The following PTPRJ variants were observed in gnomAD, a reference collection of about 807,000 sequenced individuals.
PTPRJ encodes the protein protein tyrosine phosphatase receptor type J, also known as receptor-type tyrosine-protein phosphatase eta.
Under a neutral mutation model 141.3 loss-of-function variants are expected in PTPRJ, and 129 were observed. The observed-to-expected ratio is 0.91, with a 90% CI of 0.79 to 1.06. The LOEUF (loss-of-function observed/expected upper bound fraction) is 1.06, where lower values mean the gene tolerates loss of function less well. Among genes scored for constraint, PTPRJ ranks in the 50% least tolerant of loss-of-function variants. The pLI, the probability that PTPRJ is intolerant of heterozygous loss-of-function variation, is 0.00. For synonymous variants in PTPRJ, 610 were observed against 640.5 expected (o/e 0.95, Z 0.72); for missense variants, 1,601 against 1,679.7 (o/e 0.95, Z 0.82).
rs143097750 is a variant in PTPRJ at position 48,032,286 on chromosome 11, A to G, written c.96+51278A>G. Among the ~76,000 whole-genome samples the G allele has an allele frequency of 1.8e-4, 27 of 152,338 alleles. No individual in the cohort carries two copies. The East Asian group carries it at 5.0e-3, about 28-fold the overall frequency. ...GTTTCAAAACCTTATGAAACACAAC[A>G]TCAATGGGGGAAGGGAGAAGAGAGA... On this transcript the variant is annotated intron_variant, in intron 1 of 24. Transcript: ENST00000418331.
intron 1 of PTPRJ, among the ~76,000 whole-genome samples, chr11:48,031,462 G>A (rs1329143245): frequency 2.6e-5 from 4 of 152,216 alleles, no homozygotes; most frequent in Admixed American, 6.5e-5. Flanking sequence ...GGATTCCAAA[G>A]CATGATACAG....
At chr11:48,154,365 C>T (rs1419876563) in intron 19 of PTPRJ, among the ~76,000 whole-genome samples, 1 of 152,244 alleles carries the variant, frequency 6.6e-6, no homozygotes, top group Non-Finnish European at 1.5e-5. Context: ...GTGAATTCCA[C>T]AGCTAAGTAT....
chr11:48,005,256 A>G (rs1854593294), intron 1 of PTPRJ, among the ~76,000 whole-genome samples: 2 of 151,426 alleles, frequency 1.3e-5, no homozygotes, highest in Non-Finnish European at 2.9e-5. Flanking sequence ...AGTTGTTTTT[A>G]GTATATTCAG....
At chr11:48,006,628 G>A (rs914796058) in intron 1 of PTPRJ, among the ~76,000 whole-genome samples, 2 of 152,116 alleles carry the variant, frequency 1.3e-5, no homozygotes, top group African/African-American at 4.8e-5. Context: ...TCCATCCCCT[G>A]GCACACCCCT....
chr11:48,056,138 T>C (rs1239073169), intron 1 of PTPRJ, among the ~76,000 whole-genome samples: 1 of 152,218 alleles, frequency 6.6e-6, no homozygotes, highest in Non-Finnish European at 1.5e-5. Context: ...TTTGTACTTT[T>C]GGGCGAAGGT....
intron 3 of PTPRJ, among the ~76,000 whole-genome samples, chr11:48,115,745 G>A (rs930545799): frequency 7.9e-5 from 12 of 152,278 alleles, no homozygotes; most frequent in African/African-American, 2.9e-4. Context: ...GGGGGGATAT[G>A]CAATATAAAA....
chr11:48,026,595 G>A (rs1162463018), intron 1 of PTPRJ, among the ~76,000 whole-genome samples: 9 of 151,674 alleles, frequency 5.9e-5, no homozygotes, highest in Non-Finnish European at 1.2e-4. Context: ...GATTACAGGC[G>A]CCCGCCACCA....
intron 1 of PTPRJ, among the ~76,000 whole-genome samples, chr11:48,026,994 C>A (rs1853830895): frequency 7.0e-6 from 1 of 143,792 alleles, no homozygotes; most frequent in African/African-American, 2.6e-5. Context: ...TCTTGGAATA[C>A]CCTTTTTTTT....
rs1304992042 is a variant in PTPRJ at position 48,059,994 on chromosome 11, C to G, written c.97-50064C>G. 2.0e-5 allele frequency among the ~76,000 whole-genome samples: 3 copies of G among 152,058 alleles called. No homozygotes were observed. In the East Asian group the frequency reaches 5.8e-4, roughly 29 times the overall value. ...CTTTGAGCATGGTGAATGGGGCGCT[C>G]TATGGAAAAGGGGTTCTGGGAAGCC... is the stretch of plus-strand genomic sequence containing the variant. On this transcript the variant is annotated intron_variant, in intron 1 of 24. Coordinates refer to ENST00000418331, the MANE Select transcript of PTPRJ (RefSeq NM_002843.4).
chr11:48,132,036 T>G, intron 8 of PTPRJ: 2 of 526,048 alleles, frequency 3.8e-6, no homozygotes, highest in Non-Finnish European at 4.9e-6. Context: ...AAATATAACC[T>G]ATGTAAATAC....
At chr11:48,045,928 T>C (rs1425463449) in intron 1 of PTPRJ, among the ~76,000 whole-genome samples, 1 of 152,346 alleles carries the variant, frequency 6.6e-6, no homozygotes, top group East Asian at 1.9e-4. Context: ...GAAATGGTTA[T>C]TGCAACCATT....
At chr11:47,989,073 C>T (rs1234929173) in intron 1 of PTPRJ, among the ~76,000 whole-genome samples, 4 of 148,740 alleles carry the variant, frequency 2.7e-5, no homozygotes, top group African/African-American at 4.9e-5. Flanking sequence ...TTAGTAGAGA[C>T]GAGGTTTCAC....
chr11:48,133,544 G>A (rs1422808957), intron 8 of PTPRJ, among the ~76,000 whole-genome samples: 1 of 152,036 alleles, frequency 6.6e-6, no homozygotes, highest in African/African-American at 2.4e-5. Flanking sequence ...CAGCTTAACA[G>A]CATTAAAAGC....
chr11:48,036,966 C>T (rs1854141722), intron 1 of PTPRJ, among the ~76,000 whole-genome samples: 1 of 152,172 alleles, frequency 6.6e-6, no homozygotes, highest in Admixed American at 6.5e-5. Flanking sequence ...GGTAAGTCAG[C>T]TTGTATCAGA....
At chr11:47,997,640 T>TA (rs1854379081) in intron 1 of PTPRJ, among the ~76,000 whole-genome samples, 1 of 152,172 alleles carries the variant, frequency 6.6e-6, no homozygotes, top group Admixed American at 6.6e-5. Flanking sequence ...AACCCCGTGC[T>TA]AATGTGATTG....
At chr11:47,981,148 TTGCGGGGA>T in intron 1 of PTPRJ, 140 bp downstream of exon 1, 1 of 892,514 alleles carries the variant, frequency 1.1e-6, no homozygotes, top group Non-Finnish European at 1.4e-6. Flanking sequence ...GGAAGGCGAC[TTGCGGGGA>T]CCCCGGCCGG....
intron 8 of PTPRJ, among the ~76,000 whole-genome samples, chr11:48,135,049 GA>G (rs1565320799): frequency 6.6e-6 from 1 of 151,900 alleles, no homozygotes; most frequent in African/African-American, 2.4e-5. Flanking sequence ...TATACATACC[GA>G]AAAGGGATGT....
chr11:48,120,122 A>C (rs1304712824), intron 3 of PTPRJ, among the ~76,000 whole-genome samples: 1 of 152,190 alleles, frequency 6.6e-6, no homozygotes, highest in Non-Finnish European at 1.5e-5. Context: ...ATGGTGGTTC[A>C]ATAATAATTC....
intron 1 of PTPRJ, among the ~76,000 whole-genome samples, chr11:48,063,602 C>A (rs1854999991): frequency 6.6e-6 from 1 of 152,198 alleles, no homozygotes; most frequent in African/African-American, 2.4e-5. Context: ...GATGGCCTCA[C>A]CAGTCTTTCC....
Sources: allele counts gnomAD v4.1 joint callset (sites outside exome capture counted in the v4.1 genomes callset), GRCh38; gene constraint gnomAD v4.1.1; transcripts MANE v1.5; gene names NCBI Gene and HGNC (gene_info 2026-07-23, HGNC 2026-07-21).